Variants in FBXO42 observed in about 807,000 individuals in gnomAD.
The protein encoded by FBXO42 is F-box only protein 42.
Under a neutral mutation model 71.7 loss-of-function variants are expected in FBXO42, and 12 were observed. That is an observed-to-expected ratio of 0.17 (90% CI 0.11 to 0.27). The LOEUF is 0.27. Among genes scored for constraint, FBXO42 ranks in the 10% least tolerant of loss-of-function variants. FBXO42 has a pLI of 1.00. For missense variants in FBXO42, 707 were observed against 911.9 expected (o/e 0.78, Z 2.89); for synonymous variants, 325 against 327.5 (o/e 0.99, Z 0.08).
intron 7 of FBXO42, 134 bp from the exon 8 acceptor site, chr1:16,253,286 TC>T (rs756367017): frequency 2.5e-5 from 17 of 689,572 alleles, no homozygotes; most frequent in Non-Finnish European, 3.9e-5. Flanking sequence ...CTCTCCATTC[TC>T]CTAAAAACAT....
At position 16,268,703 on chromosome 1, in the gene FBXO42, C is replaced by A. The variant is rs192525607; in HGVS notation, c.503-11944G>T. ...AAGAGGCCGGGCACAGCAGCTCACG[C>A]CTGTAATCCCAGCACTTTGGGAGGT... On this transcript the variant is annotated intron_variant, in intron 4 of 9. Transcript: ENST00000375592. Among the ~76,000 whole-genome samples the A allele has an allele frequency of 2.0e-3, 303 of 152,266 alleles. 2 individuals are homozygous for A. Among genetic ancestry groups the A allele is most frequent in the African/African-American group, 7.0e-3 (290 of 41,576 alleles).
chr1:16,267,154 A>C (rs1342558562), intron 4 of FBXO42, among the ~76,000 whole-genome samples: 1 of 152,220 alleles, frequency 6.6e-6, no homozygotes, highest in Non-Finnish European at 1.5e-5. Context: ...CCCAAGGACC[A>C]AGGGGTTTCT....
Position 16,253,618 on chromosome 1 carries a change from T to C in FBXO42, c.864+17A>G, listed in dbSNP as rs1340170995. On this transcript the variant is annotated intron_variant, in intron 7 of 9. Coordinates refer to ENST00000375592, the MANE Select transcript of FBXO42 (RefSeq NM_018994.3). The stretch of plus-strand genomic sequence containing the variant: ...CGCTACAGTGTTTGCTGAATAGTTA[T>C]TTTAATTCCTGAGCACCTGAGATTG... 3.7e-6 allele frequency: 6 copies of C among 1,613,244 alleles called. No individual in the cohort carries two copies. Among genetic ancestry groups the C allele is most frequent in the South Asian group, 3.3e-5 (3 of 91,030 alleles).
intron 2 of FBXO42, among the ~76,000 whole-genome samples, chr1:16,313,238 C>A (rs2082330406): frequency 6.9e-6 from 1 of 145,436 alleles, no homozygotes. Context: ...ATTGTGAGTA[C>A]TAGGGTAGGG....
At chr1:16,343,396 A>AT (rs397718869) in intron 1 of FBXO42, among the ~76,000 whole-genome samples, 1 of 151,910 alleles carries the variant, frequency 6.6e-6, no homozygotes, top group Non-Finnish European at 1.5e-5. Flanking sequence ...ACACAAAAAA[A>AT]TTAGCCTGGC....
chr1:16,330,624 T>C (rs1383172666), intron 1 of FBXO42, among the ~76,000 whole-genome samples: 3 of 151,950 alleles, frequency 2.0e-5, no homozygotes, highest in Non-Finnish European at 4.4e-5. Context: ...CTGGCCAACA[T>C]GGTGAAACCC....
At chr1:16,318,156 A>C (rs2082385134) in intron 1 of FBXO42, among the ~76,000 whole-genome samples, 1 of 152,144 alleles carries the variant, frequency 6.6e-6, no homozygotes, top group Non-Finnish European at 1.5e-5. Flanking sequence ...GCAGTGGCTC[A>C]TGCTGTAATC....
intron 4 of FBXO42, among the ~76,000 whole-genome samples, chr1:16,267,100 C>T (rs1302326824): frequency 6.6e-6 from 1 of 152,128 alleles, no homozygotes; most frequent in East Asian, 1.9e-4. Context: ...TGACCATAAA[C>T]ACCTTGAAGA....
At chr1:16,309,166 C>A (rs144008049) in intron 2 of FBXO42, among the ~76,000 whole-genome samples, 31 of 139,210 alleles carry the variant, frequency 2.2e-4, no homozygotes, top group South Asian at 2.5e-4. Context: ...CTCCCAGATT[C>A]AAGCGATTCT....
chr1:16,280,760 T>C (rs1439947367), intron 4 of FBXO42, among the ~76,000 whole-genome samples: 1 of 150,938 alleles, frequency 6.6e-6, no homozygotes, highest in African/African-American at 2.4e-5. Flanking sequence ...GGAGAGAGAG[T>C]GAAACCCAGT....
At chr1:16,262,396 A>G (rs1161553073) in intron 4 of FBXO42, among the ~76,000 whole-genome samples, 1 of 152,218 alleles carries the variant, frequency 6.6e-6, no homozygotes, top group Non-Finnish European at 1.5e-5. Flanking sequence ...AGCAAAATCT[A>G]TAAATCAAAT....
intron 1 of FBXO42, among the ~76,000 whole-genome samples, chr1:16,340,955 A>G (rs2082598408): frequency 6.6e-6 from 1 of 151,922 alleles, no homozygotes; most frequent in African/African-American, 2.4e-5. Flanking sequence ...ACCAAAATTT[A>G]TTTATAAAAA....
chr1:16,322,291 T>TA (rs747594196), intron 1 of FBXO42, among the ~76,000 whole-genome samples: 6 of 150,782 alleles, frequency 4.0e-5, no homozygotes, highest in Non-Finnish European at 7.4e-5. Flanking sequence ...AAAACTACTA[T>TA]ACTAGGCCAG....
intron 5 of FBXO42, among the ~76,000 whole-genome samples, 194 bp downstream of exon 5, chr1:16,256,412 G>A (rs2081645383): frequency 6.6e-6 from 1 of 152,002 alleles, no homozygotes; most frequent in African/African-American, 2.4e-5. Context: ...CTAAATGCAG[G>A]GTTCTAAGAG....
chr1:16,266,700 T>C (rs1382566889), intron 4 of FBXO42, among the ~76,000 whole-genome samples: 1 of 152,154 alleles, frequency 6.6e-6, no homozygotes, highest in Non-Finnish European at 1.5e-5. Flanking sequence ...AAACCAAAGC[T>C]GGGTCTTGGA....
intron 3 of FBXO42, among the ~76,000 whole-genome samples, chr1:16,300,491 G>A (rs1400306229): frequency 6.6e-6 from 1 of 152,154 alleles, no homozygotes. Context: ...CTCACTAAAT[G>A]AATGATATGC....
intron 1 of FBXO42, among the ~76,000 whole-genome samples, chr1:16,318,817 G>A (rs1169131314): frequency 6.6e-6 from 1 of 152,054 alleles, no homozygotes; most frequent in Non-Finnish European, 1.5e-5. Context: ...CAGAGAGCTC[G>A]GGAGCAAAGA....
chr1:16,280,232 C>A (rs1344221355), intron 4 of FBXO42, among the ~76,000 whole-genome samples: 1 of 152,062 alleles, frequency 6.6e-6, no homozygotes, highest in Non-Finnish European at 1.5e-5. Flanking sequence ...TCCAGTCTAA[C>A]CATAAGATAA....
At chr1:16,311,007 C>A (rs1465590678) in intron 2 of FBXO42, among the ~76,000 whole-genome samples, 1 of 147,918 alleles carries the variant, frequency 6.8e-6, no homozygotes. Flanking sequence ...AAAAACTCAA[C>A]ATTAATAAAC....
Sources: gnomAD v4.1 joint callset for allele counts (sites outside exome capture counted in the v4.1 genomes callset) on GRCh38, gnomAD v4.1.1 for gene constraint, MANE v1.5 for transcripts, NCBI Gene and HGNC (gene_info 2026-07-23, HGNC 2026-07-21) for gene names.